Variants in EYS observed in about 807,000 individuals in gnomAD.
The protein encoded by EYS is EGF-like photoreceptor maintenance factor.
In EYS, 250 loss-of-function variants were observed where a neutral mutation model predicts 282.1. The ratio of observed to expected loss-of-function variants is 0.89; its 90% CI spans 0.80 to 0.98. EYS has a LOEUF of 0.98. EYS is among the 50% of genes least tolerant of loss of function. The pLI, the probability that EYS is intolerant of heterozygous loss-of-function variation, is 0.00. For synonymous variants in EYS, 1,355 were observed against 1,282.9 expected, an observed-to-expected ratio of 1.06 and a Z score of -1.20; for missense variants, 4,016 against 3,709.0, an observed-to-expected ratio of 1.08 and a Z score of -2.15.
At chr6:64,388,594 A>G in intron 29 of EYS, 96 bp downstream of exon 29, 1 of 1,232,038 alleles carries the variant, frequency 8.1e-7, no homozygotes, top group Non-Finnish European at 1.1e-6. Context: ...CACTAGCCAG[A>G]AAATATTTCT....
intron 33 of EYS, among the ~76,000 whole-genome samples, chr6:64,023,642 C>A (rs74384480): frequency 6.6e-6 from 1 of 152,224 alleles, no homozygotes; most frequent in Non-Finnish European, 1.5e-5. Context: ...CACTAGCTCT[C>A]GGCACCTCCT....
At chr6:64,756,136 A>T (rs1490658457) in intron 22 of EYS, among the ~76,000 whole-genome samples, 2 of 152,194 alleles carry the variant, frequency 1.3e-5, no homozygotes, top group Non-Finnish European at 2.9e-5. Context: ...AAAATTCTTT[A>T]GGTATTCAAC....
chr6:64,800,922 A>G (rs375065292), intron 22 of EYS, among the ~76,000 whole-genome samples: 72 of 152,204 alleles, frequency 4.7e-4, no homozygotes, highest in Admixed American at 5.9e-4. Flanking sequence ...TTAATCTGCT[A>G]TAATAGAAGC....
chr6:65,221,532 A>G (rs1766465224), intron 12 of EYS, among the ~76,000 whole-genome samples: 1 of 152,240 alleles, frequency 6.6e-6, no homozygotes, highest in Non-Finnish European at 1.5e-5. Flanking sequence ...AGATTTGCAT[A>G]GATTTCAAAG....
At chr6:64,586,466 A>C (rs1582924001) in intron 26 of EYS, among the ~76,000 whole-genome samples, 1 of 152,110 alleles carries the variant, frequency 6.6e-6, no homozygotes, top group Non-Finnish European at 1.5e-5. Flanking sequence ...TAATGAAACT[A>C]TCTCTTCTGT....
At chr6:64,893,345 A>T (rs6455014) in intron 18 of EYS, among the ~76,000 whole-genome samples, 83,690 of 151,816 alleles carry the variant, frequency 0.55, 23,858 homozygotes, top group Non-Finnish European at 0.62. Flanking sequence ...AAGAGAGAAT[A>T]GAATAGATTA....
chr6:64,600,643 G>A (rs1766734118), intron 24 of EYS, among the ~76,000 whole-genome samples: 1 of 151,920 alleles, frequency 6.6e-6, no homozygotes, highest in South Asian at 2.1e-4. Context: ...AAATTGATTT[G>A]TATGTCTTTT....
chr6:65,137,244 G>T (rs1334561350), intron 12 of EYS, among the ~76,000 whole-genome samples: 1 of 152,056 alleles, frequency 6.6e-6, no homozygotes, highest in African/African-American at 2.4e-5. Context: ...TTTCTCTGAG[G>T]AAGTAAAGAT....
At chr6:64,772,589 T>C (rs1435688399) in intron 22 of EYS, among the ~76,000 whole-genome samples, 1 of 151,720 alleles carries the variant, frequency 6.6e-6, no homozygotes, top group South Asian at 2.1e-4. Flanking sequence ...TGCTATCAAA[T>C]ACTAGAACTT....
At chr6:63,783,811 A>C (rs1228661086) in intron 39 of EYS, among the ~76,000 whole-genome samples, 1 of 152,158 alleles carries the variant, frequency 6.6e-6, no homozygotes, top group Admixed American at 6.5e-5. Flanking sequence ...GGCTAGATAT[A>C]GTGATAGTTG....
chr6:64,708,681 A>G (rs1342522686), intron 22 of EYS, among the ~76,000 whole-genome samples: 2 of 152,176 alleles, frequency 1.3e-5, no homozygotes, highest in African/African-American at 4.8e-5. Context: ...TATCTCCTAT[A>G]AAAGATTAGG....
intron 2 of EYS, among the ~76,000 whole-genome samples, chr6:65,574,173 C>A (rs1764577065): frequency 6.6e-6 from 1 of 152,176 alleles, no homozygotes; most frequent in Admixed American, 6.6e-5. Flanking sequence ...GTGTGCCACC[C>A]AGACATCGGT....
At chr6:65,219,563 A>G (rs1766407341) in intron 12 of EYS, among the ~76,000 whole-genome samples, 1 of 151,772 alleles carries the variant, frequency 6.6e-6, no homozygotes, top group Non-Finnish European at 1.5e-5. Flanking sequence ...GAGATTTACA[A>G]TATTTTTTTC....
At chr6:63,739,889 G>A (rs575257902) in intron 41 of EYS, among the ~76,000 whole-genome samples, 20 of 149,784 alleles carry the variant, frequency 1.3e-4, no homozygotes, top group Admixed American at 6.0e-4. Flanking sequence ...TAGTAGAGAC[G>A]GGGTTTTGCC....
At chr6:63,827,812 C>T (rs1478273648) in intron 36 of EYS, among the ~76,000 whole-genome samples, 2 of 144,474 alleles carry the variant, frequency 1.4e-5, no homozygotes, top group African/African-American at 2.6e-5. Flanking sequence ...CCACTGCAGT[C>T]CACAGTCCGG....
rs375951650 is a variant in EYS at position 65,170,680 on chromosome 6, C to T, written c.2024-112953G>A. Among the ~76,000 whole-genome samples the T allele has an allele frequency of 5.3e-5, 8 of 151,436 alleles. No homozygotes were observed. The South Asian group carries it at 1.7e-3, about 31-fold the overall frequency. Reference sequence around the variant, plus strand: ...ATCTTATTTAAATATTATTAAAATACTTGAAACCTGAGGAAGCACAGTTAC... The same window carrying T: ...ATCTTATTTAAATATTATTAAAATATTTGAAACCTGAGGAAGCACAGTTAC... On this transcript the variant is annotated intron_variant, in intron 12 of 42. Transcript: ENST00000503581.
At chr6:64,620,569 T>A (rs1767414515) in intron 23 of EYS, among the ~76,000 whole-genome samples, 1 of 152,178 alleles carries the variant, frequency 6.6e-6, no homozygotes. Context: ...TGGGAGTGGA[T>A]ACTGAGTGTC....
intron 29 of EYS, among the ~76,000 whole-genome samples, chr6:64,382,335 TGTTAACTTG>T (rs549602582): frequency 1.3e-5 from 2 of 152,142 alleles, no homozygotes; most frequent in Non-Finnish European, 2.9e-5. Context: ...TGAATGTAAG[TGTTAACTTG>T]GTAACCTTCC....
At chr6:64,303,411 A>G (rs943300135) in intron 30 of EYS, among the ~76,000 whole-genome samples, 4 of 152,204 alleles carry the variant, frequency 2.6e-5, no homozygotes, top group Admixed American at 2.0e-4. Context: ...GCCTGTTGCT[A>G]CACACATCTG....
Sources: gnomAD v4.1 joint callset for allele counts (sites outside exome capture counted in the v4.1 genomes callset) on GRCh38, gnomAD v4.1.1 for gene constraint, MANE v1.5 for transcripts, NCBI Gene and HGNC (gene_info 2026-07-23, HGNC 2026-07-21) for gene names.